GNB1: variants seen among roughly 807,000 people sequenced by gnomAD.
GNB1 encodes G protein subunit beta 1.
A neutral mutation model predicts 42.9 loss-of-function variants in GNB1; 2 were observed. The observed-to-expected ratio is 0.05, with a 90% CI of 0.02 to 0.15. The LOEUF (loss-of-function observed/expected upper bound fraction) is 0.15. GNB1 is among the 10% of genes least tolerant of loss of function. The probability of loss-of-function intolerance (pLI) is 1.00; values close to 1 mark genes in which losing one functional copy is unlikely to be tolerated. For synonymous variants in GNB1, 183 were observed against 174.7 expected, an observed-to-expected ratio of 1.05 and a Z score of -0.38; for missense variants, 193 against 462.2, an observed-to-expected ratio of 0.42 and a Z score of 5.34.
intron 1 of GNB1, among the ~76,000 whole-genome samples, chr1:1,856,460 G>T (rs111790712): frequency 6.6e-6 from 1 of 150,780 alleles, no homozygotes; most frequent in East Asian, 2.0e-4. Context: ...ACAGAGTCTC[G>T]CTCTGTCGCC....
chr1:1,792,549 T>C (rs1646494809), intron 8 of GNB1, among the ~76,000 whole-genome samples: 1 of 151,416 alleles, frequency 6.6e-6, no homozygotes, highest in Non-Finnish European at 1.5e-5. Context: ...ATACAAAAAT[T>C]AGCTGGGTGT....
At chr1:1,819,219 A>T (rs1310587020) in intron 3 of GNB1, among the ~76,000 whole-genome samples, 2 of 151,910 alleles carry the variant, frequency 1.3e-5, no homozygotes, top group Non-Finnish European at 2.9e-5. Flanking sequence ...TTTTTTAATC[A>T]CAACTATTTT....
intron 4 of GNB1, chr1:1,817,631 A>G (rs1646874979): frequency 2.2e-6 from 1 of 459,488 alleles, no homozygotes; most frequent in East Asian, 3.1e-5. Flanking sequence ...ATGATTATTC[A>G]AGGCTTGAGA....
At position 1,790,652 on chromosome 1, in the gene GNB1, T is replaced by A. The variant is rs1646469542; in HGVS notation, c.498-56A>T. The A allele has an allele frequency of 2.5e-6, 3 of 1,221,098 alleles. No homozygotes were observed. The African/African-American group carries it at 4.5e-5, about 18-fold the overall frequency. 75.6% of individuals were successfully genotyped at this position (1,221,098 alleles called of 1,614,324 possible). ...CAGCCTTAACTTCTTGGGTGGCTAG[T>A]CATGTGACAGACAATCTGTCCTTCA... On this transcript the variant is annotated intron_variant, in intron 8 of 11. Transcript: ENST00000378609. The surrounding 1 kb of genome is among the most constrained non-coding windows in gnomAD (Gnocchi z 5.4).
intron 7 of GNB1, 104 bp from the exon 8 acceptor site, chr1:1,793,415 G>GT: frequency 1.4e-6 from 1 of 711,750 alleles, no homozygotes; most frequent in South Asian, 1.6e-5. Flanking sequence ...TACGTCTAAG[G>GT]TAAGACCAGC....
At chr1:1,885,853 C>T (rs1323398892) in intron 1 of GNB1, among the ~76,000 whole-genome samples, 1 of 148,644 alleles carries the variant, frequency 6.7e-6, no homozygotes, top group Non-Finnish European at 1.5e-5. Flanking sequence ...CCACCGTGCC[C>T]GGCCCACTTA....
intron 2 of GNB1, among the ~76,000 whole-genome samples, chr1:1,831,769 T>C (rs143455826): frequency 2.6e-3 from 386 of 151,316 alleles, no homozygotes; most frequent in Middle Eastern, 6.8e-3. Context: ...TTATTATAAT[T>C]AAAATAGGTC....
chr1:1,821,704 G>A (rs544506653), intron 3 of GNB1, among the ~76,000 whole-genome samples: 3 of 152,318 alleles, frequency 2.0e-5, no homozygotes, highest in Admixed American at 6.5e-5. Context: ...GTCCCACCGC[G>A]GGGGCCATGA....
chr1:1,864,338 A>AAAAAAAAAAAAAAAAAAC, intron 1 of GNB1, among the ~76,000 whole-genome samples: 2 of 133,092 alleles, frequency 1.5e-5, no homozygotes, highest in African/African-American at 2.5e-5. Flanking sequence ...AAAAAAAAAG[A>AAAAAAAAAAAAAAAAAAC]AGAAAACCCC....
intron 1 of GNB1, among the ~76,000 whole-genome samples, chr1:1,874,816 G>T (rs1649451001): frequency 6.6e-6 from 1 of 151,568 alleles, no homozygotes; most frequent in South Asian, 2.1e-4. Context: ...AAAAAAAAGT[G>T]CCTCCTGAGC....
chr1:1,817,730 A>G (rs1187085165), intron 4 of GNB1, 107 bp downstream of exon 4: 5 of 704,754 alleles, frequency 7.1e-6, no homozygotes, highest in Admixed American at 2.3e-5. Context: ...TGGCATCCTC[A>G]CTGCGCAACA....
intron 2 of GNB1, among the ~76,000 whole-genome samples, chr1:1,829,611 G>A (rs1164953647): frequency 6.6e-6 from 1 of 152,142 alleles, no homozygotes; most frequent in Admixed American, 6.5e-5. Flanking sequence ...CCCATAAACA[G>A]CCTTCTCAGT....
intron 5 of GNB1, among the ~76,000 whole-genome samples, chr1:1,813,783 G>A (rs1362379946): frequency 1.3e-5 from 2 of 152,164 alleles, no homozygotes; most frequent in African/African-American, 4.8e-5. Flanking sequence ...GAGCCAATGT[G>A]CCTGGTTACT....
intron 2 of GNB1, among the ~76,000 whole-genome samples, chr1:1,829,288 T>C (rs11590108): frequency 0.054 from 8,151 of 152,220 alleles, 302 homozygotes; most frequent in Non-Finnish European, 0.078. Context: ...ACTCCTGACC[T>C]CAGGTGATCC....
chr1:1,825,414 G>C lies in GNB1; in HGVS notation c.40C>G (p.Leu14Val). ...LDQLRQEAEQ[L>V]KNQIRDARKA... ...CTACATACTCGAATCTGGTTCTTAAGTTGCTCGGCCTCCTGCCGTAACTGG... is the reference window on the plus strand; with the variant it reads ...CTACATACTCGAATCTGGTTCTTAACTTGCTCGGCCTCCTGCCGTAACTGG... The change falls in exon 3 of 12, where the codon CTT (leucine) becomes GTT (valine). Residue 14 changes from leucine to valine, a missense_variant. This residue lies in a region of GNB1 where 43 missense variants were observed against 51.5 expected (regional missense o/e 0.84). Transcript: ENST00000378609. The C allele has an allele frequency of 6.2e-7, 1 of 1,612,446 alleles. No individual in the cohort carries two copies. Among genetic ancestry groups the C allele is most frequent in the Non-Finnish European group, 8.5e-7 (1 of 1,178,436 alleles).
intron 1 of GNB1, among the ~76,000 whole-genome samples, chr1:1,846,508 A>G (rs1174223078): frequency 2.0e-5 from 3 of 152,180 alleles, no homozygotes; most frequent in Admixed American, 6.5e-5. Context: ...CGGAGGTTGC[A>G]GTGAGCAGAG....
At chr1:1,810,913 C>T (rs1394915951) in intron 5 of GNB1, among the ~76,000 whole-genome samples, 1 of 151,866 alleles carries the variant, frequency 6.6e-6, no homozygotes, top group African/African-American at 2.4e-5. Flanking sequence ...GGTGATCCAC[C>T]CGCCTTAGCC....
rs1458945657 is a variant in GNB1 at position 1,786,811 on chromosome 1, G to GA, written c.*251dup. The GA allele has an allele frequency of 2.6e-5, 4 of 152,576 alleles. No individual in the cohort carries two copies. Among genetic ancestry groups the GA allele is most frequent in the African/African-American group, 4.8e-5 (2 of 41,432 alleles). The allele number at this position is 152,576 out of a possible 1,614,324, so 9.5% of individuals were successfully genotyped here. A position where few individuals can be genotyped will look rare whatever the true frequency, so the allele number is the denominator to read the frequency against. On this transcript the variant is annotated 3_prime_UTR_variant, in exon 12 of 12. Transcript: ENST00000378609. ...TTTAAAATTCATTCAAGACAAAAAA[G>GA]AAAACAAAGACGATGGCCCCGGAAG...
At chr1:1,889,117 G>T (rs1650321468) in intron 1 of GNB1, among the ~76,000 whole-genome samples, 1 of 152,184 alleles carries the variant, frequency 6.6e-6, no homozygotes, top group Admixed American at 6.5e-5. Flanking sequence ...TATCACTTCA[G>T]ATTAGAAAAT....
Sources: gnomAD v4.1 joint callset for allele counts (sites outside exome capture counted in the v4.1 genomes callset) on GRCh38, gnomAD v4.1.1 for gene constraint, gnomAD v4.1.1 regional missense constraint, Gnocchi (gnomAD v3.1) non-coding constraint, MANE v1.5 for transcripts, NCBI Gene and HGNC (gene_info 2026-07-23, HGNC 2026-07-21) for gene names.